Variants in CLMP observed in about 807,000 individuals in gnomAD.
CLMP encodes CXADR-like membrane protein.
Under a neutral mutation model 45.2 loss-of-function variants are expected in CLMP, and 27 were observed. That is an observed-to-expected ratio of 0.60 (90% confidence interval 0.44 to 0.82). The LOEUF (loss-of-function observed/expected upper bound fraction) is 0.82, where lower values mean the gene tolerates loss of function less well. Ranked by LOEUF, CLMP falls within the 40% of genes least tolerant of loss-of-function variation. The pLI is 0.00. For missense variants in CLMP, 403 were observed against 448.4 expected, an observed-to-expected ratio of 0.90 and a Z score of 0.91; for synonymous variants, 167 against 171.4, an observed-to-expected ratio of 0.97 and a Z score of 0.20.
At chr11:123,117,274 A>G (rs1860732280) in intron 1 of CLMP, among the ~76,000 whole-genome samples, 1 of 152,068 alleles carries the variant, frequency 6.6e-6, no homozygotes, top group Non-Finnish European at 1.5e-5. Flanking sequence ...ACAATCCTAC[A>G]AAGCAAAATT....
intron 1 of CLMP, among the ~76,000 whole-genome samples, chr11:123,109,272 C>T (rs948112398): frequency 2.0e-5 from 3 of 152,084 alleles, no homozygotes; most frequent in Non-Finnish European, 4.4e-5. Flanking sequence ...AAAAGAGGAT[C>T]GTTGACACCT....
At chr11:123,146,389 C>T (rs1052963429) in intron 1 of CLMP, among the ~76,000 whole-genome samples, 1 of 152,122 alleles carries the variant, frequency 6.6e-6, no homozygotes, top group Non-Finnish European at 1.5e-5. Context: ...CATGTACACA[C>T]TCAATAAATA....
At chr11:123,180,317 C>A (rs551908266) in intron 1 of CLMP, among the ~76,000 whole-genome samples, 2 of 152,264 alleles carry the variant, frequency 1.3e-5, no homozygotes, top group South Asian at 4.1e-4. Context: ...AAATCCTAAC[C>A]CTCAAGGTGC....
At chr11:123,081,808 G>A (rs1288328740) in intron 5 of CLMP, among the ~76,000 whole-genome samples, 1 of 148,822 alleles carries the variant, frequency 6.7e-6, no homozygotes, top group Non-Finnish European at 1.5e-5. Context: ...GCTGCAGTAA[G>A]CCAAGATCAC....
intron 1 of CLMP, among the ~76,000 whole-genome samples, chr11:123,118,952 T>C (rs990127698): frequency 3.6e-5 from 1 of 27,702 alleles, no homozygotes; most frequent in African/African-American, 1.4e-4. Flanking sequence ...TTTCTTTCTT[T>C]CTTTCTTTCT....
At chr11:123,100,330 G>A (rs984803323) in intron 1 of CLMP, among the ~76,000 whole-genome samples, 60 of 151,584 alleles carry the variant, frequency 4.0e-4, no homozygotes, top group Middle Eastern at 3.4e-3. Context: ...GCAGTGAGCC[G>A]AGATCGCACC....
chr11:123,141,492 C>T (rs1203851149), intron 1 of CLMP, among the ~76,000 whole-genome samples: 2 of 152,078 alleles, frequency 1.3e-5, no homozygotes, highest in Non-Finnish European at 2.9e-5. Flanking sequence ...CCAGGCATTC[C>T]TTGATAGCAA....
intron 1 of CLMP, among the ~76,000 whole-genome samples, chr11:123,131,283 A>G (rs933704321): frequency 2.0e-5 from 3 of 152,130 alleles, no homozygotes; most frequent in African/African-American, 7.2e-5. Flanking sequence ...CTCTTGCTCC[A>G]TCAATTCCAT....
chr11:123,107,502 A>G (rs2135488506), intron 1 of CLMP, among the ~76,000 whole-genome samples: 1 of 147,518 alleles, frequency 6.8e-6, no homozygotes, highest in East Asian at 2.1e-4. Flanking sequence ...AAGTGCTGGG[A>G]TTACAGGTGC....
intron 1 of CLMP, among the ~76,000 whole-genome samples, chr11:123,173,481 C>T (rs1861662041): frequency 6.6e-6 from 1 of 152,200 alleles, no homozygotes; most frequent in Non-Finnish European, 1.5e-5. Flanking sequence ...GTAATAACCA[C>T]AAGGGAATGA....
intron 1 of CLMP, among the ~76,000 whole-genome samples, chr11:123,149,819 CT>C (rs771164352): frequency 2.6e-3 from 385 of 145,516 alleles, no homozygotes; most frequent in South Asian, 5.9e-3. Context: ...TTCTTTCTCT[CT>C]TTTTTTTTTT....
rs573923098 is a variant in CLMP at position 123,122,085 on chromosome 11, C to G, written c.29-24133G>C. Among the ~76,000 whole-genome samples the G allele has an allele frequency of 3.9e-5, 6 of 152,304 alleles. No individual in the cohort carries two copies. In the East Asian group the frequency reaches 1.2e-3, roughly 29 times the overall value. On this transcript the variant is annotated intron_variant, in intron 1 of 6. Coordinates refer to ENST00000448775, the MANE Select transcript of CLMP (RefSeq NM_024769.5). Reference sequence around the variant, plus strand: ...TTTGGGGAGGAAACAGAGAAAAATACATGTGTTCAATCTACCACATTACCT... The same window carrying G: ...TTTGGGGAGGAAACAGAGAAAAATAGATGTGTTCAATCTACCACATTACCT...
rs532543004 is a variant in CLMP, at chr11:123,087,623, C to G, written c.187-2910G>C. ...GGATCACGAGGTCAAGAGATCGAGA[C>G]CATCCTGGCCAATATGGTGAAACCC... On this transcript the variant is annotated intron_variant, in intron 2 of 6. Coordinates refer to ENST00000448775, the MANE Select transcript of CLMP (RefSeq NM_024769.5). Among the ~76,000 whole-genome samples the G allele has an allele frequency of 2.6e-5, 4 of 152,054 alleles. No homozygotes were observed. In the South Asian group the frequency reaches 8.3e-4, roughly 32 times the overall value.
chr11:123,109,212 G>A (rs771183334), intron 1 of CLMP, among the ~76,000 whole-genome samples: 3 of 152,186 alleles, frequency 2.0e-5, no homozygotes, highest in Non-Finnish European at 2.9e-5. Context: ...CAAGGATGGT[G>A]TTAAGAATAC....
intron 3 of CLMP, among the ~76,000 whole-genome samples, chr11:123,084,115 T>C (rs751174339): frequency 1.2e-4 from 19 of 152,232 alleles, no homozygotes; most frequent in Non-Finnish European, 2.5e-4. Flanking sequence ...AGACACATTA[T>C]TATTGGACAT....
intron 1 of CLMP, among the ~76,000 whole-genome samples, chr11:123,125,504 CTCCCTTCCCTTCCCT>C (rs1295258016): frequency 7.0e-5 from 5 of 71,094 alleles, no homozygotes; most frequent in African/African-American, 1.6e-4. Context: ...TCCCTTCTTC[CTCCCTTCCCTTCCCT>C]TCCCTTCCCT....
At chr11:123,193,136 C>T (rs1861931450) in intron 1 of CLMP, 1 of 152,218 alleles carries the variant, frequency 6.6e-6, no homozygotes, top group Admixed American at 6.5e-5. Flanking sequence ...GGCTGTAAAG[C>T]AATGCGCTTT....
At chr11:123,150,471 G>GAAAGAAAGA (rs1565397389) in intron 1 of CLMP, among the ~76,000 whole-genome samples, 1 of 103,416 alleles carries the variant, frequency 9.7e-6, no homozygotes, top group Non-Finnish European at 2.1e-5. Flanking sequence ...AAGAAAGAAA[G>GAAAGAAAGA]AAAGAAAGAA....
At chr11:123,106,675 C>T (rs943640293) in intron 1 of CLMP, among the ~76,000 whole-genome samples, 1 of 152,082 alleles carries the variant, frequency 6.6e-6, no homozygotes, top group Non-Finnish European at 1.5e-5. Context: ...AAGTGTCTAG[C>T]ACTGGCGCAT....
Sources: allele counts gnomAD v4.1 joint callset (sites outside exome capture counted in the v4.1 genomes callset), GRCh38; gene constraint gnomAD v4.1.1; transcripts MANE v1.5; gene names NCBI Gene and HGNC (gene_info 2026-07-23, HGNC 2026-07-21).